ADGRD1: variants seen among roughly 807,000 people sequenced by gnomAD.
ADGRD1 encodes the protein G-protein coupled receptor 133.
Under a neutral mutation model 113.4 loss-of-function variants are expected in ADGRD1, and 77 were observed. That is an observed-to-expected ratio of 0.68 (90% CI 0.57 to 0.82). The LOEUF is 0.82. ADGRD1 is among the 40% of genes least tolerant of loss of function. The pLI, the probability that ADGRD1 is intolerant of heterozygous loss-of-function variation, is 0.00. For missense variants in ADGRD1, 1,036 were observed against 1,139.1 expected, an observed-to-expected ratio of 0.91 and a Z score of 1.30; for synonymous variants, 474 against 475.0, an observed-to-expected ratio of 1.00 and a Z score of 0.03.
intron 8 of ADGRD1, among the ~76,000 whole-genome samples, chr12:130,998,277 G>C (rs958578440): frequency 2.6e-5 from 4 of 152,106 alleles, no homozygotes; most frequent in African/African-American, 9.7e-5. Flanking sequence ...CATCTACGAG[G>C]CAGGCTCAGC....
At chr12:131,051,486 C>CTTT (rs1555254485) in intron 13 of ADGRD1, among the ~76,000 whole-genome samples, 6 of 147,190 alleles carry the variant, frequency 4.1e-5, no homozygotes, top group South Asian at 2.1e-4. Context: ...TCTTTCTTTT[C>CTTT]TTTTTTTTTT....
chr12:131,025,878 C>G (rs1017779234), intron 13 of ADGRD1: 2 of 152,268 alleles, frequency 1.3e-5, no homozygotes, highest in Non-Finnish European at 2.9e-5. Context: ...TGCAAGCTCC[C>G]CAGGGTGTGA....
At chr12:131,014,092 T>A in intron 12 of ADGRD1, 107 bp from the exon 13 acceptor site, 1 of 1,097,638 alleles carries the variant, frequency 9.1e-7, no homozygotes, top group East Asian at 2.5e-5. Flanking sequence ...CAAAGAAGAT[T>A]TCCGTCTCAA....
chr12:131,089,174 C>T (rs745455348), intron 15 of ADGRD1, among the ~76,000 whole-genome samples: 19 of 152,236 alleles, frequency 1.2e-4, no homozygotes, highest in Non-Finnish European at 2.5e-4. Flanking sequence ...AAGAACTTCC[C>T]TTGTCGCAGG....
intron 8 of ADGRD1, among the ~76,000 whole-genome samples, chr12:130,993,399 C>A (rs1304683670): frequency 6.7e-6 from 1 of 150,288 alleles, no homozygotes; most frequent in Non-Finnish European, 1.5e-5. Context: ...TTCATTCATT[C>A]ATTCATTCAT....
chr12:131,054,162 A>C (rs541449991), intron 13 of ADGRD1, among the ~76,000 whole-genome samples: 19 of 152,340 alleles, frequency 1.2e-4, no homozygotes, highest in African/African-American at 4.6e-4. Flanking sequence ...AAATAAATGC[A>C]CATGTGTAAA....
At chr12:130,993,778 G>A (rs1027779835) in intron 8 of ADGRD1, 1 of 152,614 alleles carries the variant, frequency 6.6e-6, no homozygotes, top group African/African-American at 2.4e-5. Flanking sequence ...AAGAGGCCCA[G>A]AGGCGGGAAT....
chr12:131,066,523 G>T (rs1467588626), intron 13 of ADGRD1, among the ~76,000 whole-genome samples: 5 of 152,214 alleles, frequency 3.3e-5, no homozygotes, highest in African/African-American at 1.2e-4. Context: ...TCCCACCGAA[G>T]TTCACGGAGT....
intron 13 of ADGRD1, among the ~76,000 whole-genome samples, chr12:131,036,675 G>GCACGGGGCCTCACTCAC (rs1881461827): frequency 2.8e-4 from 11 of 39,774 alleles, no homozygotes; most frequent in East Asian, 1.0e-3. Flanking sequence ...GCCTCACTCA[G>GCACGGGGCCTCACTCAC]TACACCGGGC....
chr12:131,097,418 C>T (rs190077299), intron 15 of ADGRD1, among the ~76,000 whole-genome samples: 1 of 152,360 alleles, frequency 6.6e-6, no homozygotes, highest in Non-Finnish European at 1.5e-5. Flanking sequence ...TCCTGCAGCA[C>T]CCCTCAAGTG....
chr12:131,015,655 G>C (rs796795393), intron 13 of ADGRD1, among the ~76,000 whole-genome samples: 2 of 82,566 alleles, frequency 2.4e-5, no homozygotes, highest in Non-Finnish European at 6.1e-5. Context: ...GAGATGGAGA[G>C]GGGATTGGAG....
chr12:131,097,136 C>A (rs543212771), intron 15 of ADGRD1, among the ~76,000 whole-genome samples: 1 of 152,278 alleles, frequency 6.6e-6, no homozygotes, highest in African/African-American at 2.4e-5. Flanking sequence ...TAGCAATTCC[C>A]TGAGTCAAAT....
chr12:131,021,772 G>A (rs1249115149), intron 13 of ADGRD1, among the ~76,000 whole-genome samples: 1 of 152,156 alleles, frequency 6.6e-6, no homozygotes, highest in African/African-American at 2.4e-5. Context: ...CAGAGGTGCA[G>A]TCACGGCTCA....
Position 130,954,575 on chromosome 12 carries a change from C to T in ADGRD1, c.66+44C>T, listed in dbSNP as rs759840260. 2 of 1,613,814 alleles carry T rather than the reference C, an allele frequency of 1.2e-6. No individual in the cohort carries two copies. Among genetic ancestry groups the T allele is most frequent in the African/African-American group, 2.7e-5 (2 of 74,918 alleles). ...CAGGATGGCGACAGGCTTGGTTTCT[C>T]CGGAGGCTTTCCCTGAGTGTGTCTC... On this transcript the variant is annotated intron_variant, in intron 1 of 24. Coordinates refer to ENST00000261654, the MANE Select transcript of ADGRD1 (RefSeq NM_198827.5). The surrounding 1 kb of genome is among the most constrained non-coding windows in gnomAD (Gnocchi z 4.7).
chr12:131,092,139 G>A (rs1233224079), intron 15 of ADGRD1: 1 of 152,354 alleles, frequency 6.6e-6, no homozygotes, highest in Non-Finnish European at 1.5e-5. Flanking sequence ...CCTCCCTAAG[G>A]ACTGGCTGGC....
Position 131,057,150 on chromosome 12 carries a change from C to T in ADGRD1, c.1474-19651C>T, listed in dbSNP as rs1403192760. ...ATTTTTGAAGTGGAGGAAATTGTTG[C>T]AGGAAATAATCACAGGCTACCCCCG... On this transcript the variant is annotated intron_variant, in intron 13 of 24. Coordinates refer to ENST00000261654, the MANE Select transcript of ADGRD1 (RefSeq NM_198827.5). The surrounding 1 kb of genome is among the most constrained non-coding windows in gnomAD (Gnocchi z 4.2). 2.6e-5 allele frequency among the ~76,000 whole-genome samples: 4 copies of T among 152,110 alleles called. No homozygotes were observed. The highest frequency in any genetic ancestry group is 3.9e-4 in the East Asian group (2 of 5,184).
chr12:131,134,321 CTCT>C (rs1487860866), intron 21 of ADGRD1, among the ~76,000 whole-genome samples: 8 of 152,200 alleles, frequency 5.3e-5, no homozygotes, highest in South Asian at 4.1e-4. Context: ...CCAGGGACCC[CTCT>C]TCTTCTGCTT....
intron 4 of ADGRD1, chr12:130,981,131 C>T (rs1277314592): frequency 6.6e-6 from 1 of 152,182 alleles, no homozygotes; most frequent in Admixed American, 6.5e-5. Context: ...AAGAAATGCC[C>T]TCTTGGGAAT....
chr12:130,976,059 C>T (rs897673582), intron 4 of ADGRD1, among the ~76,000 whole-genome samples: 5 of 152,198 alleles, frequency 3.3e-5, no homozygotes, highest in East Asian at 1.9e-4. Flanking sequence ...CATCTCCGCA[C>T]GGCCATTTCC....
Sources: gnomAD v4.1 joint callset for allele counts (sites outside exome capture counted in the v4.1 genomes callset) on GRCh38, gnomAD v4.1.1 for gene constraint, Gnocchi (gnomAD v3.1) non-coding constraint, MANE v1.5 for transcripts, NCBI Gene and HGNC (gene_info 2026-07-23, HGNC 2026-07-21) for gene names.